AGMO: variants seen among roughly 807,000 people sequenced by gnomAD.
AGMO encodes the protein glyceryl-ether monooxygenase.
In AGMO, 75 loss-of-function variants were observed where a neutral mutation model predicts 60.2. The ratio of observed to expected loss-of-function variants is 1.25; its 90% CI spans 1.03 to 1.51. The LOEUF (loss-of-function observed/expected upper bound fraction) is 1.51. Among genes scored for constraint, AGMO ranks in the 40% most tolerant of loss-of-function variants. The pLI, the probability that AGMO is intolerant of heterozygous loss-of-function variation, is 0.00. For missense variants in AGMO, 763 were observed against 525.5 expected (o/e 1.45, Z -4.42); for synonymous variants, 261 against 177.1 (o/e 1.47, Z -3.76).
chr7:15,305,248 A>T (rs1356038634), intron 12 of AGMO, among the ~76,000 whole-genome samples: 3 of 151,742 alleles, frequency 2.0e-5, no homozygotes, highest in Non-Finnish European at 4.4e-5. Flanking sequence ...GTTAAAAAAA[A>T]AAAAAAAAAA....
chr7:15,443,740 A>G (rs62439329), intron 3 of AGMO, among the ~76,000 whole-genome samples: 4,182 of 152,214 alleles, frequency 0.027, 76 homozygotes, highest in Non-Finnish European at 0.044. Context: ...TGATTTTTAC[A>G]TTTTCAAATA....
intron 12 of AGMO, among the ~76,000 whole-genome samples, chr7:15,246,803 TCTC>T (rs1374875348): frequency 2.0e-5 from 3 of 152,128 alleles, no homozygotes; most frequent in Non-Finnish European, 2.9e-5. Flanking sequence ...GCATTCCTCT[TCTC>T]CTCTTGAAAG....
chr7:15,459,599 T>TGTGTGTGTGTGTGTGTGTGTG (rs1554274867), intron 3 of AGMO, among the ~76,000 whole-genome samples: 89 of 142,200 alleles, frequency 6.3e-4, no homozygotes, highest in South Asian at 3.0e-3. Context: ...GTATGTGCGT[T>TGTGTGTGTGTGTGTGTGTGTG]TGTGTGTGTG....
intron 3 of AGMO, among the ~76,000 whole-genome samples, chr7:15,516,573 C>T (rs1424881284): frequency 6.6e-6 from 1 of 152,158 alleles, no homozygotes; most frequent in Non-Finnish European, 1.5e-5. Flanking sequence ...GATGTGTTTA[C>T]TATTTACAAC....
intron 5 of AGMO, among the ~76,000 whole-genome samples, chr7:15,412,378 G>C (rs1047901806): frequency 3.9e-5 from 6 of 151,918 alleles, no homozygotes; most frequent in African/African-American, 1.5e-4. Context: ...GTTAGGAGTC[G>C]TAGGCCAAAT....
intron 3 of AGMO, among the ~76,000 whole-genome samples, chr7:15,488,343 A>C (rs1458378302): frequency 6.6e-6 from 1 of 152,266 alleles, no homozygotes; most frequent in Non-Finnish European, 1.5e-5. Flanking sequence ...TTAAAGCCAG[A>C]AACTTTAATG....
intron 2 of AGMO, among the ~76,000 whole-genome samples, chr7:15,555,892 C>T (rs888508524): frequency 2.0e-5 from 3 of 151,916 alleles, no homozygotes; most frequent in African/African-American, 7.3e-5. Context: ...AATTAACAAA[C>T]CAACAAGTTT....
At chr7:15,554,714 C>A (rs976618995) in intron 2 of AGMO, among the ~76,000 whole-genome samples, 3 of 152,034 alleles carry the variant, frequency 2.0e-5, no homozygotes, top group African/African-American at 7.2e-5. Flanking sequence ...TATTAATCCT[C>A]ATTTTTTACA....
chr7:15,397,817 T>TA, intron 5 of AGMO, among the ~76,000 whole-genome samples: 1 of 152,348 alleles, frequency 6.6e-6, no homozygotes, highest in Non-Finnish European at 1.5e-5. Context: ...ATATAGCTCT[T>TA]ATAAAAGAAT....
rs537472508 is a variant in AGMO at position 15,267,622 on chromosome 7, T to C, written c.1264-66263A>G. Among the ~76,000 whole-genome samples, 169 of 152,096 alleles carry C rather than the reference T, an allele frequency of 1.1e-3. 1 individual carries two copies. In the South Asian group the frequency reaches 0.02, roughly 18 times the overall value. On this transcript the variant is annotated intron_variant, in intron 12 of 12. Coordinates refer to ENST00000342526, the MANE Select transcript of AGMO (RefSeq NM_001004320.2). Reference sequence around the variant, plus strand: ...TCCATCTTTCCTTTGTGGCTTACTATGGTACTATATTCTCAATTAGTAGGG... The same window carrying C: ...TCCATCTTTCCTTTGTGGCTTACTACGGTACTATATTCTCAATTAGTAGGG...
chr7:15,236,532 C>T (rs983325428), intron 12 of AGMO, among the ~76,000 whole-genome samples: 3 of 151,982 alleles, frequency 2.0e-5, no homozygotes, highest in Non-Finnish European at 4.4e-5. Context: ...TTTCAAGATC[C>T]CTGCTTCGAC....
At chr7:15,403,147 T>G (rs1409688100) in intron 5 of AGMO, among the ~76,000 whole-genome samples, 1 of 151,964 alleles carries the variant, frequency 6.6e-6, no homozygotes, top group Non-Finnish European at 1.5e-5. Flanking sequence ...TTATAATCAA[T>G]TTGAACTTAT....
intron 3 of AGMO, among the ~76,000 whole-genome samples, chr7:15,445,906 G>A (rs1781686753): frequency 6.6e-6 from 1 of 151,874 alleles, no homozygotes; most frequent in South Asian, 2.1e-4. Flanking sequence ...CTGTAAACTG[G>A]ACTTAATCCT....
the AGMO span, among the ~76,000 whole-genome samples, chr7:15,179,287 A>G: frequency 6.6e-6 from 1 of 152,108 alleles, no homozygotes; most frequent in African/African-American, 2.4e-5. Flanking sequence ...ATCAAATATG[A>G]GTGACACTAA....
chr7:15,357,124 G>A (rs1238081821), intron 12 of AGMO, among the ~76,000 whole-genome samples: 1 of 147,708 alleles, frequency 6.8e-6, no homozygotes, highest in Non-Finnish European at 1.5e-5. Flanking sequence ...AAAAAAAAAA[G>A]AAAAAAATAG....
At chr7:15,500,716 T>G (rs908079250) in intron 3 of AGMO, among the ~76,000 whole-genome samples, 2 of 151,992 alleles carry the variant, frequency 1.3e-5, no homozygotes, top group African/African-American at 4.8e-5. Flanking sequence ...GAGTTATATC[T>G]TGTCTTCTGA....
intron 12 of AGMO, among the ~76,000 whole-genome samples, chr7:15,268,290 T>C (rs1269243084): frequency 1.3e-5 from 2 of 152,024 alleles, no homozygotes; most frequent in Admixed American, 1.3e-4. Context: ...TTAAAAGCCT[T>C]TCCTTTATTA....
At chr7:15,365,453 G>C in intron 12 of AGMO, 61 bp downstream of exon 12, 2 of 960,700 alleles carry the variant, frequency 2.1e-6, no homozygotes, top group African/African-American at 1.8e-5. Context: ...ATCCTTGAAT[G>C]AATAAATTAA....
the AGMO span, among the ~76,000 whole-genome samples, chr7:15,137,288 C>G: frequency 2.0e-5 from 3 of 152,240 alleles, no homozygotes; most frequent in Admixed American, 6.5e-5. Flanking sequence ...GGAACGATTA[C>G]TTTTTTATAC....
Sources: gnomAD v4.1 joint callset for allele counts (sites outside exome capture counted in the v4.1 genomes callset) on GRCh38, gnomAD v4.1.1 for gene constraint, MANE v1.5 for transcripts, NCBI Gene and HGNC (gene_info 2026-07-23, HGNC 2026-07-21) for gene names.